The following COL22A1 variants were observed in gnomAD, a reference collection of about 807,000 sequenced individuals.
The protein encoded by COL22A1 is collagen alpha-1(XXII) chain.
COL22A1 carries 221 observed loss-of-function variants against 248.9 expected under a neutral mutation model. The observed-to-expected ratio is 0.89, with a 90% CI of 0.80 to 0.99. The LOEUF is 0.99. Ranked by LOEUF, COL22A1 falls within the 50% of genes least tolerant of loss-of-function variation. The pLI is 0.00. For missense variants in COL22A1, 2,240 were observed against 2,179.0 expected (o/e 1.03, Z -0.56); for synonymous variants, 891 against 793.4 (o/e 1.12, Z -2.07).
At chr8:138,830,269 ATACCT>A (rs1819937421) in intron 5 of COL22A1, among the ~76,000 whole-genome samples, 1 of 152,192 alleles carries the variant, frequency 6.6e-6, no homozygotes, top group Admixed American at 6.5e-5. Flanking sequence ...GAAAAGTGTA[ATACCT>A]GCCTTGCTCG....
chr8:138,849,798 G>A (rs941573659), intron 3 of COL22A1, among the ~76,000 whole-genome samples: 5 of 152,208 alleles, frequency 3.3e-5, no homozygotes, highest in African/African-American at 4.8e-5. Flanking sequence ...TCACACAGCT[G>A]ACAAGTGGCA....
At chr8:138,876,494 A>G (rs1022927375) in intron 3 of COL22A1, among the ~76,000 whole-genome samples, 17 of 152,222 alleles carry the variant, frequency 1.1e-4, no homozygotes, top group Non-Finnish European at 2.1e-4. Context: ...AGAAATCAGC[A>G]CAAGGCCATA....
At position 138,594,063 on chromosome 8, in the gene COL22A1, A is replaced by G; in HGVS notation, c.4569T>C (p.Pro1523=). Residue 1523 remains proline (P), a synonymous_variant, in exon 63 of 65, where the codon CCT becomes CCC. Transcript: ENST00000303045. The part of the protein sequence containing the change: ...RAGPMGEPGR[P]GQGGLEGPSG... ...AGGGTCCTTCCAGACCCCCCTGCCCAGGACGACCTGGCTCCCCCATGGGGC... is the reference window on the plus strand; with the variant it reads ...AGGGTCCTTCCAGACCCCCCTGCCCGGGACGACCTGGCTCCCCCATGGGGC... The G allele has an allele frequency of 1.3e-6, 2 of 1,590,666 alleles. No individual in the cohort carries two copies. The highest frequency in any genetic ancestry group is 1.7e-6 in the Non-Finnish European group (2 of 1,172,432).
chr8:138,865,027 G>A (rs749280714), intron 3 of COL22A1, among the ~76,000 whole-genome samples: 2 of 152,198 alleles, frequency 1.3e-5, no homozygotes, highest in African/African-American at 4.8e-5. Context: ...TCTGTTGTTA[G>A]ATTGATGTAA....
rs547180244 is a variant in COL22A1, at chr8:138,633,308, T to C, written c.3609+1702A>G. ...AAGTGAATTGAAAGCATTAATCAGCTGGAGACAGACAAGCTGGCTTCTGAT... is the reference window on the plus strand; with the variant it reads ...AAGTGAATTGAAAGCATTAATCAGCCGGAGACAGACAAGCTGGCTTCTGAT... On this transcript the variant is annotated intron_variant, in intron 49 of 64. Coordinates refer to ENST00000303045, the MANE Select transcript of COL22A1 (RefSeq NM_152888.3). Among the ~76,000 whole-genome samples the C allele has an allele frequency of 8.5e-5, 13 of 152,368 alleles. No individual in the cohort carries two copies. The South Asian group carries it at 1.2e-3, about 15-fold the overall frequency.
At chr8:138,677,420 G>C (rs988206281) in intron 40 of COL22A1, among the ~76,000 whole-genome samples, 1 of 145,224 alleles carries the variant, frequency 6.9e-6, no homozygotes, top group East Asian at 2.0e-4. Context: ...TGCCATGCTG[G>C]ACTTTGATGG....
intron 6 of COL22A1, among the ~76,000 whole-genome samples, chr8:138,823,366 T>C (rs753662364): frequency 9.2e-5 from 14 of 152,208 alleles, no homozygotes; most frequent in Non-Finnish European, 1.6e-4. Context: ...CATGTATTCT[T>C]GGATTTTAAC....
rs185842278 is a variant in COL22A1 at position 138,826,248 on chromosome 8, G to A, written c.969+410C>T. Among the ~76,000 whole-genome samples the A allele has an allele frequency of 3.3e-5, 5 of 152,268 alleles. No individual in the cohort carries two copies. In the South Asian group the frequency reaches 8.3e-4, roughly 25 times the overall value. On this transcript the variant is annotated intron_variant, in intron 6 of 64. Coordinates refer to ENST00000303045, the MANE Select transcript of COL22A1 (RefSeq NM_152888.3). ...AAGTAACCCATCCCAGGACCCACAC[G>A]AATGAAGGAGTAGACACGAGACCTG...
At chr8:138,911,311 C>T (rs1298515195) in intron 1 of COL22A1, among the ~76,000 whole-genome samples, 1 of 152,256 alleles carries the variant, frequency 6.6e-6, no homozygotes, top group African/African-American at 2.4e-5. Flanking sequence ...GCTGGGGCCA[C>T]TGTCTTCTCT....
intron 63 of COL22A1, among the ~76,000 whole-genome samples, chr8:138,593,572 CCTT>C (rs1817269493): frequency 6.6e-6 from 1 of 152,088 alleles, no homozygotes; most frequent in Non-Finnish European, 1.5e-5. Context: ...GAAGGAGAGA[CCTT>C]CTGTTGGCTG....
Position 138,650,670 on chromosome 8 carries a change from TTAGATAGATAGATAGATAGA to T in COL22A1, c.3334-912_3334-893del, listed in dbSNP as rs6150847. On this transcript the variant is annotated intron_variant, in intron 45 of 64. Coordinates refer to ENST00000303045, the MANE Select transcript of COL22A1 (RefSeq NM_152888.3). ...GCACTTAGAATACTCTCAAGAAAGA[TTAGATAGATAGATAGATAGA>T]TAGATAGATAGATAGATAGATAGAT... is the stretch of plus-strand genomic sequence containing the variant. Among the ~76,000 whole-genome samples, 457 of 151,146 alleles carry T rather than the reference TTAGATAGATAGATAGATAGA, an allele frequency of 3.0e-3. 1 individual carries two copies. The highest frequency in any genetic ancestry group is 5.8e-3 in the Admixed American group (88 of 15,198).
chr8:138,687,047 C>T (rs762015889), intron 37 of COL22A1, among the ~76,000 whole-genome samples: 1 of 152,220 alleles, frequency 6.6e-6, no homozygotes, highest in Non-Finnish European at 1.5e-5. Context: ...ACCTCCGCTT[C>T]CCAGGTTCAA....
chr8:138,663,202 G>A (rs1470904072), intron 42 of COL22A1, among the ~76,000 whole-genome samples: 1 of 152,226 alleles, frequency 6.6e-6, no homozygotes, highest in East Asian at 1.9e-4. Flanking sequence ...GCACAGGCAT[G>A]TCATGGATGG....
intron 4 of COL22A1, among the ~76,000 whole-genome samples, chr8:138,841,504 C>T (rs536474530): frequency 5.8e-4 from 88 of 152,222 alleles, no homozygotes; most frequent in Non-Finnish European, 1.1e-3. Context: ...GATGGACACA[C>T]CACACAGAGG....
intron 16 of COL22A1, among the ~76,000 whole-genome samples, chr8:138,770,758 C>G (rs1395389810): frequency 6.6e-6 from 1 of 152,194 alleles, no homozygotes; most frequent in Non-Finnish European, 1.5e-5. Context: ...GGTGGGTAAA[C>G]AGAGGCACAG....
At chr8:138,783,629 A>C (rs529279153) in intron 12 of COL22A1, among the ~76,000 whole-genome samples, 1 of 152,292 alleles carries the variant, frequency 6.6e-6, no homozygotes, top group Non-Finnish European at 1.5e-5. Flanking sequence ...CCTCAGACAC[A>C]CCCAGGATCA....
chr8:138,683,543 G>C (rs370667456), intron 39 of COL22A1, among the ~76,000 whole-genome samples: 8 of 152,258 alleles, frequency 5.3e-5, no homozygotes, highest in African/African-American at 1.9e-4. Context: ...ACTGTCACTA[G>C]GTGTTGGTGG....
At position 138,651,705 on chromosome 8, in the gene COL22A1, T is replaced by C. The variant is rs542546110; in HGVS notation, c.3334-1927A>G. 2.0e-5 allele frequency among the ~76,000 whole-genome samples: 3 copies of C among 151,900 alleles called. No individual in the cohort carries two copies. In the South Asian group the frequency reaches 6.2e-4, roughly 32 times the overall value. ...TAAGATGAGATGCATCCATGAAACA[T>C]TGCAACTGTGGATGGATGCACGGAT... On this transcript the variant is annotated intron_variant, in intron 45 of 64. Transcript: ENST00000303045.
intron 17 of COL22A1, among the ~76,000 whole-genome samples, chr8:138,761,010 G>A (rs1354687102): frequency 1.3e-5 from 2 of 152,164 alleles, no homozygotes; most frequent in Non-Finnish European, 2.9e-5. Flanking sequence ...AGAGGGCTTT[G>A]TATAGGAAAA....
Sources: allele counts gnomAD v4.1 joint callset (sites outside exome capture counted in the v4.1 genomes callset), GRCh38; gene constraint gnomAD v4.1.1; transcripts MANE v1.5; gene names NCBI Gene and HGNC (gene_info 2026-07-23, HGNC 2026-07-21).